Variants in SEC31A observed in about 807,000 individuals in gnomAD.
SEC31A encodes the protein SEC31 homolog A, COPII component, also known as protein transport protein Sec31A.
Under a neutral mutation model 151.0 loss-of-function variants are expected in SEC31A, and 70 were observed. The ratio of observed to expected loss-of-function variants is 0.46; its 90% CI spans 0.38 to 0.57. The LOEUF is 0.57. SEC31A is among the 20% of genes least tolerant of loss of function. SEC31A has a pLI of 0.00. For missense variants in SEC31A, 1,330 were observed against 1,471.2 expected (o/e 0.90, Z 1.57); for synonymous variants, 475 against 505.9 (o/e 0.94, Z 0.82).
chr4:82,824,755 A>G, intron 24 of SEC31A, 81 bp from the exon 25 acceptor site: 1 of 1,489,934 alleles, frequency 6.7e-7, no homozygotes, highest in Non-Finnish European at 9.0e-7. Context: ...TGTGATAAAC[A>G]GAAACCGACA....
In SEC31A at chr4:82,866,832, T is replaced by G. The variant is rs776487033; in HGVS notation, c.1173A>C (p.Arg391=). 1 of 1,605,424 alleles carries G rather than the reference T, an allele frequency of 6.2e-7. No homozygotes were observed. Among genetic ancestry groups the G allele is most frequent in the African/African-American group, 1.3e-5 (1 of 74,552 alleles). The change falls in exon 10 of 27, where the codon CGA becomes CGC. Residue 391 remains arginine (R), a synonymous_variant. Coordinates refer to ENST00000395310, the MANE Select transcript of SEC31A (RefSeq NM_001077207.4). The part of the protein sequence containing the change: ...LPLKKPPKWI[R]RPVGASFSFG... ...CTGAAAAAGAAGCACCAACAGGCCT[T>G]CGAATCCACTTGGGCGGCTTCTTCA...
At position 82,848,991 on chromosome 4, in the gene SEC31A, GAA is replaced by G; in HGVS notation, c.2329-16_2329-15del. 1 of 1,608,754 alleles carries G rather than the reference GAA, an allele frequency of 6.2e-7. No individual in the cohort carries two copies. The highest frequency in any genetic ancestry group is 8.5e-7 in the Non-Finnish European group (1 of 1,177,780). ...CATGATATTTGGCTAAAAAGGATTG[GAA>G]AAACAGCAGACTGTTGAGAGTTCAC... On this transcript the variant is annotated splice_polypyrimidine_tract_variant and intron_variant, in intron 19 of 26. Coordinates refer to ENST00000395310, the MANE Select transcript of SEC31A (RefSeq NM_001077207.4).
At chr4:82,856,645 G>A (rs1235884207) in intron 16 of SEC31A, among the ~76,000 whole-genome samples, 1 of 151,978 alleles carries the variant, frequency 6.6e-6, no homozygotes, top group East Asian at 2.0e-4. Context: ...CAGCTACTTG[G>A]GAGGCTGAGG....
At chr4:82,842,607 T>A in intron 21 of SEC31A, 126 bp from the exon 22 acceptor site, 3 of 756,618 alleles carry the variant, frequency 4.0e-6, no homozygotes, top group Non-Finnish European at 6.2e-6. Context: ...AATCCCAAAT[T>A]AAAAATTTAC....
At chr4:82,851,818 G>T (rs1731515545) in intron 18 of SEC31A, among the ~76,000 whole-genome samples, 1 of 152,162 alleles carries the variant, frequency 6.6e-6, no homozygotes, top group Admixed American at 6.5e-5. Flanking sequence ...GGATAGGAAG[G>T]TTACCACCTT....
At chr4:82,841,695 G>A (rs1728914900) in intron 22 of SEC31A, among the ~76,000 whole-genome samples, 2 of 151,136 alleles carry the variant, frequency 1.3e-5, no homozygotes, top group Middle Eastern at 3.2e-3. Flanking sequence ...ATCAAGGCCA[G>A]GTTCAGTGGC....
At chr4:82,875,988 T>C in intron 4 of SEC31A, 166 bp from the exon 5 acceptor site, 1 of 415,694 alleles carries the variant, frequency 2.4e-6, no homozygotes, top group Non-Finnish European at 4.3e-6. Context: ...CATAATTCTT[T>C]CAAAATTTAA....
chr4:82,851,091 G>A (rs1731350334), intron 19 of SEC31A, among the ~76,000 whole-genome samples: 1 of 152,158 alleles, frequency 6.6e-6, no homozygotes, highest in Admixed American at 6.5e-5. Flanking sequence ...AACATTTATA[G>A]CTTTTTGACA....
chr4:82,860,971 G>A (rs1169175492), intron 14 of SEC31A, among the ~76,000 whole-genome samples: 3 of 151,222 alleles, frequency 2.0e-5, no homozygotes, highest in Non-Finnish European at 2.9e-5. Context: ...CAATGAAAAA[G>A]CCAAAGATGA....
rs745312720 is a variant in SEC31A, at chr4:82,853,660, T to C, written c.2064A>G (p.Ala688=). The C allele has an allele frequency of 6.2e-7, 1 of 1,602,268 alleles. No individual in the cohort carries two copies. Among genetic ancestry groups the C allele is most frequent in the Non-Finnish European group, 8.5e-7 (1 of 1,176,530 alleles). ...TCCCTGCACAAATATAGCAGAGACA[T>C]GCTTGAGTCTGCAGGAGGCTATCTC... ...NEGDSLLQTQ[A]CLCYICAGNV... is the part of the protein sequence containing the mutation. The change falls in exon 18 of 27, where the codon GCA becomes GCG. Residue 688 remains alanine, a synonymous_variant. Transcript: ENST00000395310.
At chr4:82,861,730 C>T (rs777251189) in intron 13 of SEC31A, 22 bp from the exon 14 acceptor site, 1 of 1,543,532 alleles carries the variant, frequency 6.5e-7, no homozygotes, top group Non-Finnish European at 8.9e-7. Flanking sequence ...AAAACAATTA[C>T]AGGGGAAGGT....
intron 25 of SEC31A, among the ~76,000 whole-genome samples, chr4:82,821,798 G>A (rs1723423186): frequency 6.6e-6 from 1 of 152,014 alleles, no homozygotes; most frequent in Non-Finnish European, 1.5e-5. Flanking sequence ...CAAAAAAGAA[G>A]GTCTAAGTAG....
At position 82,819,258 on chromosome 4, in the gene SEC31A, A is replaced by G; in HGVS notation, c.3484-5T>C. The G allele has an allele frequency of 6.4e-7, 1 of 1,553,438 alleles. No homozygotes were observed. The highest frequency in any genetic ancestry group is 1.4e-5 in the African/African-American group (1 of 73,334). ...ACTGGTGATTGTTGGTGAAAGCTGA[A>G]ACAAAAGTGAACCAAGAGAAAGAAT... On this transcript the variant is annotated splice_polypyrimidine_tract_variant and splice_region_variant and intron_variant, in intron 26 of 26. Coordinates refer to ENST00000395310, the MANE Select transcript of SEC31A (RefSeq NM_001077207.4).
intron 3 of SEC31A, among the ~76,000 whole-genome samples, chr4:82,898,294 CACA>C (rs1413975163): frequency 6.6e-6 from 1 of 151,762 alleles, no homozygotes; most frequent in Non-Finnish European, 1.5e-5. Flanking sequence ...GTAAAATAAT[CACA>C]ACAACAAAAA....
At chr4:82,885,782 T>C (rs1180085340) in intron 1 of SEC31A, among the ~76,000 whole-genome samples, 2 of 152,238 alleles carry the variant, frequency 1.3e-5, no homozygotes, top group Non-Finnish European at 2.9e-5. Context: ...ATTTACATTT[T>C]ATTCTTTCTT....
chr4:82,870,363 C>T lies in SEC31A; in HGVS notation c.844G>A (p.Asp282Asn). The part of the protein sequence containing the change: ...DPELLLSCGK[D>N]AKILCSNPNT... ...GGATTGGAGCAGAGAATCTTAGCAT[C>T]TTTTCCACAGCTCAGTAACAATTCA... The change falls in exon 8 of 27, where the codon GAT becomes AAT. Residue 282 changes from aspartate (D) to asparagine (N), a missense_variant. Coordinates refer to ENST00000395310, the MANE Select transcript of SEC31A (RefSeq NM_001077207.4). 1.2e-6 allele frequency: 2 copies of T among 1,614,012 alleles called. No homozygotes were observed. Among genetic ancestry groups the T allele is most frequent in the Non-Finnish European group, 1.7e-6 (2 of 1,179,922 alleles).
At chr4:82,826,392 C>T (rs1445220523) in intron 24 of SEC31A, among the ~76,000 whole-genome samples, 1 of 152,170 alleles carries the variant, frequency 6.6e-6, no homozygotes, top group African/African-American at 2.4e-5. Flanking sequence ...CTCGCTCTGT[C>T]GTCCAGGCTG....
intron 25 of SEC31A, among the ~76,000 whole-genome samples, chr4:82,823,034 G>A (rs567787628): frequency 6.6e-6 from 1 of 152,130 alleles, no homozygotes; most frequent in East Asian, 1.9e-4. Flanking sequence ...TACCCCAAGG[G>A]GGCAAGGGCA....
chr4:82,846,366 C>CATAATAATAATA (rs35831381), intron 20 of SEC31A, among the ~76,000 whole-genome samples: 16,765 of 140,312 alleles, frequency 0.12, 1,169 homozygotes, highest in Admixed American at 0.19. Flanking sequence ...AACTCCAAAA[C>CATAATAATAATA]ATAATAATAA....
Sources: allele counts gnomAD v4.1 joint callset (sites outside exome capture counted in the v4.1 genomes callset), GRCh38; gene constraint gnomAD v4.1.1; transcripts MANE v1.5; gene names NCBI Gene and HGNC (gene_info 2026-07-23, HGNC 2026-07-21).